Variants in DNAH7 observed in about 807,000 individuals in gnomAD.
DNAH7 encodes the protein axonemal beta dynein heavy chain 7.
In DNAH7, 397 loss-of-function variants were observed where a neutral mutation model predicts 444.6. The ratio of observed to expected loss-of-function variants is 0.89; its 90% CI spans 0.82 to 0.97. The LOEUF (loss-of-function observed/expected upper bound fraction) is 0.97. Among genes scored for constraint, DNAH7 ranks in the 50% least tolerant of loss-of-function variants. DNAH7 has a pLI of 0.00. For missense variants in DNAH7, 4,902 were observed against 4,800.8 expected (o/e 1.02, Z -0.62); for synonymous variants, 1,636 against 1,624.4 (o/e 1.01, Z -0.17).
In DNAH7 at chr2:195,988,044, G is replaced by C. The variant is rs201797684; in HGVS notation, c.1539C>G (p.Leu513=). 6.2e-7 allele frequency: 1 copy of C among 1,613,130 alleles called. No individual in the cohort carries two copies. The highest frequency in any genetic ancestry group is 8.5e-7 in the Non-Finnish European group (1 of 1,179,660). ...TTTTTTCATAACTATGATTTTCTGC[G>C]AGGAAGTTATCAACATCTCGCTCAG... ...RKAERDVDNF[L]AENHSYEKII... is the part of the protein sequence containing the mutation. Residue 513 remains leucine (L), a synonymous_variant, in exon 13 of 65, where the codon CTC becomes CTG. Coordinates refer to ENST00000312428, the MANE Select transcript of DNAH7 (RefSeq NM_018897.3).
intron 12 of DNAH7, among the ~76,000 whole-genome samples, chr2:195,998,280 T>C (rs912503868): frequency 7.2e-5 from 11 of 152,242 alleles, no homozygotes; most frequent in Admixed American, 5.9e-4. Flanking sequence ...CTTTTGATAA[T>C]TATAAAAGTT....
chr2:195,948,202 G>C (rs1247928814), intron 19 of DNAH7, among the ~76,000 whole-genome samples: 2 of 152,112 alleles, frequency 1.3e-5, no homozygotes, highest in African/African-American at 4.8e-5. Flanking sequence ...TCCTTTGTCA[G>C]ATGGATAGAT....
At chr2:195,800,394 TTACTC>T (rs1192605967) in intron 54 of DNAH7, among the ~76,000 whole-genome samples, 2 of 152,238 alleles carry the variant, frequency 1.3e-5, no homozygotes, top group African/African-American at 4.8e-5. Flanking sequence ...TATACATTTA[TTACTC>T]TAAAGTAGCT....
At chr2:195,925,909 AAT>A (rs1688302106) in intron 22 of DNAH7, among the ~76,000 whole-genome samples, 1 of 152,126 alleles carries the variant, frequency 6.6e-6, no homozygotes, top group South Asian at 2.1e-4. Flanking sequence ...ATATTAAATT[AAT>A]ATATCCAATT....
chr2:195,815,940 C>T (rs1160574535), intron 51 of DNAH7, among the ~76,000 whole-genome samples: 2 of 152,100 alleles, frequency 1.3e-5, no homozygotes, highest in Admixed American at 1.3e-4. Flanking sequence ...TTGCGTGAGC[C>T]GAGATTGCGC....
intron 10 of DNAH7, among the ~76,000 whole-genome samples, chr2:196,004,332 G>A (rs1467920084): frequency 5.3e-5 from 8 of 152,148 alleles, no homozygotes; most frequent in Non-Finnish European, 1.0e-4. Flanking sequence ...TAGTCCTGGG[G>A]ATTAAGAGGA....
chr2:195,737,758 G>C lies in DNAH7; in HGVS notation c.*163C>G. On this transcript the variant is annotated 3_prime_UTR_variant, in exon 65 of 65. Coordinates refer to ENST00000312428, the MANE Select transcript of DNAH7 (RefSeq NM_018897.3). ...AGAACATTTCCTTACATTTAAGTAT[G>C]AGTCATATTAAGTTTAGCTGCATTT... 1.7e-6 allele frequency: 1 copy of C among 603,860 alleles called. No homozygotes were observed. The highest frequency in any genetic ancestry group is 2.9e-6 in the Non-Finnish European group (1 of 347,414). 37.4% of individuals were successfully genotyped at this position (603,860 alleles called of 1,614,324 possible). A position where few individuals can be genotyped will look rare whatever the true frequency, so the allele number is the denominator to read the frequency against.
intron 40 of DNAH7, among the ~76,000 whole-genome samples, chr2:195,868,344 A>G (rs528709381): frequency 1.6e-4 from 25 of 151,878 alleles, no homozygotes; most frequent in African/African-American, 4.8e-4. Flanking sequence ...TCGGCCTCCC[A>G]AAGTGCTGGG....
At chr2:195,871,624 A>G (rs1308633722) in intron 40 of DNAH7, among the ~76,000 whole-genome samples, 3 of 152,012 alleles carry the variant, frequency 2.0e-5, no homozygotes, top group Non-Finnish European at 4.4e-5. Context: ...TTCACTTCTT[A>G]TAAAAACATC....
chr2:195,876,481 T>C, intron 37 of DNAH7, 63 bp downstream of exon 37: 3 of 1,477,232 alleles, frequency 2.0e-6, no homozygotes, highest in Non-Finnish European at 2.8e-6. Context: ...GATATTTGGT[T>C]TCCTTGTTCC....
intron 1 of DNAH7, among the ~76,000 whole-genome samples, chr2:196,060,297 T>G (rs1698065982): frequency 6.6e-6 from 1 of 152,172 alleles, no homozygotes; most frequent in African/African-American, 2.4e-5. Context: ...GAGCAGAGTA[T>G]TCAAAATATC....
rs904083873 is a variant in DNAH7 at position 195,923,944 on chromosome 2, ATTTG to A, written c.3613-141_3613-138del. On this transcript the variant is annotated intron_variant, in intron 22 of 64. Transcript: ENST00000312428. ...TTCCATGTAATACAATTTAAAAATA[ATTTG>A]TTTTTCTGACTACAAAGATACTAGG... is the stretch of plus-strand genomic sequence containing the variant. 1.2e-5 allele frequency: 11 copies of A among 881,166 alleles called. No individual in the cohort carries two copies. In the South Asian group the frequency reaches 1.4e-4, roughly 12 times the overall value. 54.6% of individuals were successfully genotyped at this position (881,166 alleles called of 1,614,324 possible).
intron 25 of DNAH7, among the ~76,000 whole-genome samples, chr2:195,908,376 T>C (rs990661198): frequency 2.0e-5 from 3 of 152,088 alleles, no homozygotes; most frequent in Admixed American, 2.0e-4. Flanking sequence ...TCCATACCAT[T>C]TTATGGTATC....
At chr2:195,834,565 A>T in intron 47 of DNAH7, 1 of 440,574 alleles carries the variant, frequency 2.3e-6, no homozygotes, top group Non-Finnish European at 4.0e-6. Context: ...ACCATCCTGC[A>T]AAGTTCGCAC....
intron 38 of DNAH7, among the ~76,000 whole-genome samples, chr2:195,875,292 G>A (rs71420702): frequency 0.021 from 3,151 of 152,318 alleles, 54 homozygotes; most frequent in Middle Eastern, 0.037. Flanking sequence ...TGACACAGAG[G>A]AAGATGAGAT....
chr2:196,051,103 T>G, intron 3 of DNAH7, 84 bp downstream of exon 3: 2 of 1,209,132 alleles, frequency 1.7e-6, no homozygotes, highest in South Asian at 2.5e-5. Context: ...GAGCAGGAAT[T>G]TGCTTACTTA....
At chr2:195,853,836 TATAG>T (rs1176170881) in intron 45 of DNAH7, among the ~76,000 whole-genome samples, 3 of 152,188 alleles carry the variant, frequency 2.0e-5, no homozygotes, top group African/African-American at 2.4e-5. Context: ...CTTCTGCAAA[TATAG>T]ATATTTTCCC....
chr2:195,759,695 A>T (rs1186729722), intron 61 of DNAH7, among the ~76,000 whole-genome samples: 4 of 152,226 alleles, frequency 2.6e-5, no homozygotes, highest in Non-Finnish European at 2.9e-5. Flanking sequence ...TACAAAAAAT[A>T]AAAAAATTAG....
In DNAH7 at chr2:195,775,982, T is replaced by C; in HGVS notation, c.11066A>G (p.His3689Arg). The change falls in exon 60 of 65, where the codon CAC becomes CGC. Residue 3689 changes from histidine (H) to arginine (R), a missense_variant and splice_region_variant. His to Arg is a conservative substitution (Grantham distance 29). Coordinates refer to ENST00000312428, the MANE Select transcript of DNAH7 (RefSeq NM_018897.3). ...CTTTGTGTATTCGATGTAGCTTTTG[T>C]GCTGCAGAGATGAATAACAAGAAGT... ...GIYFVPPSGD[H>R]KSYIEYTKTL... 1.2e-6 allele frequency: 2 copies of C among 1,613,672 alleles called. No individual in the cohort carries two copies. The highest frequency in any genetic ancestry group is 1.7e-6 in the Non-Finnish European group (2 of 1,179,886).
Sources: gnomAD v4.1 joint callset for allele counts (sites outside exome capture counted in the v4.1 genomes callset) on GRCh38, gnomAD v4.1.1 for gene constraint, MANE v1.5 for transcripts, NCBI Gene and HGNC (gene_info 2026-07-23, HGNC 2026-07-21) for gene names.